DIAPH2: variants seen among roughly 807,000 people sequenced by gnomAD.
DIAPH2 encodes diaphanous related formin 2.
Under a neutral mutation model 92.7 loss-of-function variants are expected in DIAPH2, and 35 were observed. That is an observed-to-expected ratio of 0.38 (90% CI 0.29 to 0.50). The LOEUF is 0.50. Among genes scored for constraint, DIAPH2 ranks in the 20% least tolerant of loss-of-function variants. The pLI, the probability that DIAPH2 is intolerant of heterozygous loss-of-function variation, is 0.94. For synonymous variants in DIAPH2, 301 were observed against 280.4 expected (o/e 1.07, Z -0.73); for missense variants, 701 against 819.5 (o/e 0.86, Z 1.77).
At chrX:97,162,554 G>A (rs907181428) in intron 22 of DIAPH2, among the ~76,000 whole-genome samples, 1 of 111,317 alleles carries the variant, frequency 9.0e-6, no homozygotes, top group African/African-American at 3.3e-5. Flanking sequence ...ACCCAGGCTG[G>A]AGTGCAGTGG....
intron 9 of DIAPH2, 123 bp from the exon 10 acceptor site, chrX:96,930,610 G>A: frequency 4.4e-6 from 2 of 458,958 alleles, no homozygotes; most frequent in Non-Finnish European, 7.2e-6. Context: ...TATACTTCTA[G>A]AAATATTTGC....
chrX:97,504,243 T>C (rs1026567591), intron 26 of DIAPH2, among the ~76,000 whole-genome samples: 2 of 112,042 alleles, frequency 1.8e-5, no homozygotes, highest in Admixed American at 9.5e-5. Flanking sequence ...GTAGAGACTT[T>C]ACTGTAACGA....
intron 20 of DIAPH2, among the ~76,000 whole-genome samples, chrX:97,113,105 A>G (rs959617800): frequency 2.7e-5 from 3 of 110,697 alleles, no homozygotes; most frequent in East Asian, 2.8e-4. Context: ...TGTCAGTTCT[A>G]TGTGTGCTTA....
chrX:96,695,108 C>T lies in DIAPH2; in HGVS notation c.132+9918C>T, dbSNP rs191706525. Among the ~76,000 whole-genome samples, 14 of 111,224 alleles carry T rather than the reference C, an allele frequency of 1.3e-4. No individual in the cohort carries two copies. In the East Asian group the frequency reaches 3.7e-3, roughly 29 times the overall value. On this transcript the variant is annotated intron_variant, in intron 1 of 26. Coordinates refer to ENST00000324765, the MANE Select transcript of DIAPH2 (RefSeq NM_006729.5). ...TATCACAGGTGTACATCACCCCACC[C>T]GGCTAATTTTTTGTGTGTTTTTAGT...
chrX:96,862,926 A>G (rs1430687385), intron 4 of DIAPH2, among the ~76,000 whole-genome samples: 1 of 111,385 alleles, frequency 9.0e-6, no homozygotes, highest in Non-Finnish European at 1.9e-5. Flanking sequence ...ACTTGAGAAA[A>G]AAAATTACCT....
At chrX:97,477,182 C>A (rs1444928455) in intron 26 of DIAPH2, among the ~76,000 whole-genome samples, 2 of 100,686 alleles carry the variant, frequency 2.0e-5, no homozygotes, top group African/African-American at 3.7e-5. Context: ...ATACAAAAAT[C>A]GGCCAGGCAT....
At chrX:96,699,881 C>A (rs898804596) in intron 1 of DIAPH2, among the ~76,000 whole-genome samples, 1 of 112,549 alleles carries the variant, frequency 8.9e-6, no homozygotes, top group Non-Finnish European at 1.9e-5. Flanking sequence ...TCATTTCTGA[C>A]ATCTAAGGAA....
chrX:97,071,938 T>G (rs1462597943), intron 17 of DIAPH2, among the ~76,000 whole-genome samples: 1 of 111,996 alleles, frequency 8.9e-6, no homozygotes, highest in African/African-American at 3.2e-5. Context: ...TGATGTAATT[T>G]AGCAGCATGA....
intron 4 of DIAPH2, among the ~76,000 whole-genome samples, chrX:96,838,789 A>C (rs2147699295): frequency 8.9e-6 from 1 of 111,970 alleles, no homozygotes; most frequent in Non-Finnish European, 1.9e-5. Context: ...CTGTGTGGAA[A>C]CCTGTGCAGC....
chrX:97,128,080 C>T (rs1304857429), intron 21 of DIAPH2, among the ~76,000 whole-genome samples: 6 of 111,101 alleles, frequency 5.4e-5, no homozygotes, highest in African/African-American at 2.0e-4. Flanking sequence ...GGTGAGTCTG[C>T]AGTGCAAAGT....
chrX:97,436,397 C>T lies in DIAPH2; in HGVS notation c.3241+6652C>T, dbSNP rs377228447. The stretch of plus-strand genomic sequence containing the variant: ...AATGTATTTTGGTTTTAGAACCACA[C>T]GGGGCAACCAAGAAAACTAAATTTC... On this transcript the variant is annotated intron_variant, in intron 26 of 26. Transcript: ENST00000324765. Among the ~76,000 whole-genome samples, 8 of 110,843 alleles carry T rather than the reference C, an allele frequency of 7.2e-5. No homozygotes were observed. The East Asian group carries it at 1.4e-3, about 20-fold the overall frequency.
intron 19 of DIAPH2, among the ~76,000 whole-genome samples, chrX:97,080,730 C>A (rs2066737344): frequency 9.0e-6 from 1 of 111,360 alleles, no homozygotes; most frequent in South Asian, 3.8e-4. Context: ...CCTAAGTCAT[C>A]AAAGATAGAT....
At chrX:97,004,280 T>A (rs2066164928) in intron 17 of DIAPH2, among the ~76,000 whole-genome samples, 2 of 111,658 alleles carry the variant, frequency 1.8e-5, no homozygotes, top group Non-Finnish European at 3.8e-5. Flanking sequence ...CAGTCTTTTG[T>A]GGTTCCATAA....
At chrX:97,120,774 T>G (rs1245442575) in intron 21 of DIAPH2, among the ~76,000 whole-genome samples, 1 of 110,007 alleles carries the variant, frequency 9.1e-6, no homozygotes, top group Non-Finnish European at 1.9e-5. Context: ...AAGCCTCATC[T>G]AGAGGCCATT....
intron 25 of DIAPH2, among the ~76,000 whole-genome samples, chrX:97,396,361 G>T (rs1368003760): frequency 2.7e-5 from 3 of 110,952 alleles, no homozygotes; most frequent in Non-Finnish European, 3.8e-5. Context: ...GGCTGCTTTA[G>T]AATCAGGACA....
intron 22 of DIAPH2, among the ~76,000 whole-genome samples, chrX:97,229,060 A>G (rs1385696353): frequency 9.0e-6 from 1 of 111,673 alleles, no homozygotes; most frequent in Non-Finnish European, 1.9e-5. Flanking sequence ...GGGGTTTATA[A>G]AAGCTTTTCC....
At chrX:97,597,789 T>C (rs1411600669) in intron 26 of DIAPH2, among the ~76,000 whole-genome samples, 2 of 111,830 alleles carry the variant, frequency 1.8e-5, no homozygotes, top group African/African-American at 6.5e-5. Context: ...GTGATCCATA[T>C]CTCAAACTAA....
chrX:97,154,249 G>T (rs770790548), intron 22 of DIAPH2, among the ~76,000 whole-genome samples: 1 of 111,548 alleles, frequency 9.0e-6, no homozygotes, highest in African/African-American at 3.3e-5. Context: ...GCTCAGAAAC[G>T]TGAAGTAAAG....
intron 25 of DIAPH2, among the ~76,000 whole-genome samples, chrX:97,401,954 G>T (rs1198671597): frequency 1.8e-5 from 2 of 112,504 alleles, no homozygotes; most frequent in Non-Finnish European, 3.8e-5. Context: ...TGACATTGCT[G>T]TACATTTGCA....
Sources: gnomAD v4.1 joint callset for allele counts (sites outside exome capture counted in the v4.1 genomes callset) on GRCh38, gnomAD v4.1.1 for gene constraint, MANE v1.5 for transcripts, NCBI Gene and HGNC (gene_info 2026-07-23, HGNC 2026-07-21) for gene names.